Variants in RUNDC1 observed in about 807,000 individuals in gnomAD.
RUNDC1 encodes the protein RUN domain-containing protein 1.
Under a neutral mutation model 49.3 loss-of-function variants are expected in RUNDC1, and 31 were observed. That is an observed-to-expected ratio of 0.63 (90% confidence interval 0.47 to 0.85). The LOEUF is 0.85. Among genes scored for constraint, RUNDC1 ranks in the 40% least tolerant of loss-of-function variants. RUNDC1 has a pLI of 0.00. For missense variants in RUNDC1, 715 were observed against 806.7 expected (o/e 0.89, Z 1.38); for synonymous variants, 347 against 348.6 (o/e 1.00, Z 0.05).
Position 42,991,338 on chromosome 17 carries a change from T to C in RUNDC1, c.1464T>C (p.Tyr488=), listed in dbSNP as rs748679870. Reference sequence around the variant, plus strand: ...ACCATGCTAAGAACGGCCGTGCTTATGTGGAATCCCCAGCCCGGAAGCTCT... The same window carrying C: ...ACCATGCTAAGAACGGCCGTGCTTACGTGGAATCCCCAGCCCGGAAGCTCT... ...KYYHAKNGRA[Y]VESPARKLSQ... is the part of the protein sequence containing the mutation. The change falls in exon 5 of 5, where the codon TAT becomes TAC. Residue 488 remains tyrosine (Y), a synonymous_variant. Transcript: ENST00000361677. The C allele has an allele frequency of 6.2e-7, 1 of 1,614,224 alleles. No homozygotes were observed. The highest frequency in any genetic ancestry group is 8.5e-7 in the Non-Finnish European group (1 of 1,180,056).
rs1336695386 is a variant in RUNDC1, at chr17:42,991,527, G to T, written c.1653G>T (p.Leu551=). ...GCATGGCACTGAATGAGCAGCGTCT[G>T]GTGTCCTGGGTGAACCTCATCTGCA... ...LVCMALNEQR[L]VSWVNLICKS... The change falls in exon 5 of 5, where the codon CTG becomes CTT. Residue 551 remains leucine (L), a synonymous_variant. Transcript: ENST00000361677. 1.9e-6 allele frequency: 3 copies of T among 1,614,146 alleles called. No homozygotes were observed. In the East Asian group the frequency reaches 6.7e-5, roughly 36 times the overall value.
chr17:42,989,207 A>T, intron 2 of RUNDC1, 134 bp from the exon 3 acceptor site: 1 of 650,068 alleles, frequency 1.5e-6, no homozygotes, highest in African/African-American at 1.8e-5. Context: ...TCAGCAGTTA[A>T]GTCATTTACT....
Position 42,989,505 on chromosome 17 carries a change from C to T in RUNDC1, c.822C>T (p.Ile274=), listed in dbSNP as rs752497506. 1.2e-6 allele frequency: 2 copies of T among 1,614,134 alleles called. No individual in the cohort carries two copies. Among genetic ancestry groups the T allele is most frequent in the African/African-American group, 1.3e-5 (1 of 75,014 alleles). ...TGGTTGAGCAACTGAAAACTCAGAT[C>T]CGAGACCTTGAGATGTTTATCAACT... ...EQLVEQLKTQ[I]RDLEMFINFI... Residue 274 remains isoleucine, a synonymous_variant, in exon 3 of 5, where the codon ATC becomes ATT. Coordinates refer to ENST00000361677, the MANE Select transcript of RUNDC1 (RefSeq NM_173079.5).
chr17:42,990,499 G>C (rs1895087374), intron 4 of RUNDC1, 63 bp downstream of exon 4: 1 of 1,543,978 alleles, frequency 6.5e-7, no homozygotes, highest in Non-Finnish European at 8.9e-7. Context: ...TGGTTGCCTA[G>C]GGCTTGGGTG....
Position 42,987,355 on chromosome 17 carries a change from GC to G in RUNDC1, c.600del (p.Tyr201IlefsTer20). 1 of 1,614,106 alleles carries G rather than the reference GC, an allele frequency of 6.2e-7. No individual in the cohort carries two copies. The highest frequency in any genetic ancestry group is 1.3e-5 in the African/African-American group (1 of 75,038). On this transcript the variant is annotated frameshift_variant, in exon 2 of 5. Transcript: ENST00000361677. LOFTEE classifies it high-confidence loss of function. ...KTQLDDLETF[A>X]YQEGSYDSLP... ...CCAGCTAGATGACCTGGAAACGTTT[GC>G]CTATCAAGAGGGCAGTTATGACTCG...
At chr17:42,990,769 C>G (rs1427193253) in intron 4 of RUNDC1, 82 bp from the exon 5 acceptor site, 4 of 1,484,592 alleles carry the variant, frequency 2.7e-6, no homozygotes, top group Non-Finnish European at 3.6e-6. Flanking sequence ...GTGGCTCAGA[C>G]TGATCTCAGC....
Position 42,987,620 on chromosome 17 carries a change from C to T in RUNDC1, c.657+206C>T, listed in dbSNP as rs148030273. Reference sequence around the variant, plus strand: ...ACACAGATTCCAAAGTTTTGTAATACGATAATTGAGCTATTTCTTTTTGGT... The same window carrying T: ...ACACAGATTCCAAAGTTTTGTAATATGATAATTGAGCTATTTCTTTTTGGT... On this transcript the variant is annotated intron_variant, in intron 2 of 4. Coordinates refer to ENST00000361677, the MANE Select transcript of RUNDC1 (RefSeq NM_173079.5). Among the ~76,000 whole-genome samples, 21 of 152,194 alleles carry T rather than the reference C, an allele frequency of 1.4e-4. No individual in the cohort carries two copies. In the East Asian group the frequency reaches 2.5e-3, roughly 18 times the overall value.
chr17:42,989,882 G>A (rs323497), intron 3 of RUNDC1, among the ~76,000 whole-genome samples: 142,224 of 152,120 alleles, frequency 0.93, 67,243 homozygotes, highest in South Asian at 1. Context: ...TGATCCGCCT[G>A]CCTCAGCCTC....
rs763431743 is a variant in RUNDC1, at chr17:42,991,388, C to T, written c.1514C>T (p.Thr505Met). ...TCCCAGTCCTTCGCCCTTCCTGTTACGGGAGGCACTGTTGTCACCCCCAAA... is the reference window on the plus strand; with the variant it reads ...TCCCAGTCCTTCGCCCTTCCTGTTATGGGAGGCACTGTTGTCACCCCCAAA... Reference protein sequence around the residue: ...KLSQSFALPVTGGTVVTPKQS... With the variant: ...KLSQSFALPVMGGTVVTPKQS... Residue 505 changes from threonine to methionine, a missense_variant, in exon 5 of 5, where the codon ACG becomes ATG. Thr to Met is a moderately conservative substitution (Grantham distance 81). Transcript: ENST00000361677. The T allele has an allele frequency of 2.0e-5, 33 of 1,614,082 alleles. No homozygotes were observed. The highest frequency in any genetic ancestry group is 4.4e-5 in the South Asian group (4 of 91,090).
chr17:42,994,771 T>C lies in RUNDC1; in HGVS notation c.*3055T>C, dbSNP rs1019284414. Reference sequence around the variant, plus strand: ...AGATATCTGCTAAGCTCTGATATCATCTGTCATTACTGAGAACAGAGCTCT... The same window carrying C: ...AGATATCTGCTAAGCTCTGATATCACCTGTCATTACTGAGAACAGAGCTCT... On this transcript the variant is annotated 3_prime_UTR_variant, in exon 5 of 5. Coordinates refer to ENST00000361677, the MANE Select transcript of RUNDC1 (RefSeq NM_173079.5). 3.3e-5 allele frequency among the ~76,000 whole-genome samples: 5 copies of C among 152,210 alleles called. No homozygotes were observed. Among genetic ancestry groups the C allele is most frequent in the African/African-American group, 1.2e-4 (5 of 41,448 alleles).
chr17:42,981,775 T>A (rs1162644903), intron 1 of RUNDC1: 1 of 151,666 alleles, frequency 6.6e-6, no homozygotes, highest in Non-Finnish European at 1.5e-5. Context: ...CAGGCTATAA[T>A]GTTGAAATTT....
rs2050185583 is a variant in RUNDC1, at chr17:42,987,390, G to A, written c.633G>A (p.Gln211=). ...YQEGSYDSLP[Q]SVVLERQRVI... is the part of the protein sequence containing the mutation. The stretch of plus-strand genomic sequence containing the variant: ...AGGGCAGTTATGACTCGCTGCCACA[G>A]TCCGTGGTGTTGGAAAGACAGCGGG... The change falls in exon 2 of 5, where the codon CAG becomes CAA. Residue 211 remains glutamine, a synonymous_variant. Transcript: ENST00000361677. The A allele has an allele frequency of 6.2e-7, 1 of 1,614,174 alleles. No individual in the cohort carries two copies. Among genetic ancestry groups the A allele is most frequent in the Non-Finnish European group, 8.5e-7 (1 of 1,180,026 alleles).
At chr17:42,985,722 C>A in intron 1 of RUNDC1, 1 of 981,618 alleles carries the variant, frequency 1.0e-6, no homozygotes, top group Non-Finnish European at 1.2e-6. Flanking sequence ...CAGCCTTGCC[C>A]CTACAAATGA....
intron 1 of RUNDC1, among the ~76,000 whole-genome samples, chr17:42,986,639 A>G (rs1229174083): frequency 6.6e-6 from 1 of 151,980 alleles, no homozygotes; most frequent in Non-Finnish European, 1.5e-5. Context: ...CTGGGACTAC[A>G]GGCGCCCGCC....
chr17:42,989,854 C>T (rs756422314), intron 3 of RUNDC1, among the ~76,000 whole-genome samples: 8 of 152,008 alleles, frequency 5.3e-5, no homozygotes, highest in South Asian at 2.1e-4. Flanking sequence ...AGGCTGGTCT[C>T]GTACTCCTGA....
In RUNDC1 at chr17:42,991,629, C is replaced by G. The variant is rs1204717759; in HGVS notation, c.1755C>G (p.Asn585Lys). Reference protein sequence around the residue: ...MAHTGFESALNLLSRLSSLKF... With the variant: ...MAHTGFESALKLLSRLSSLKF... Reference sequence around the variant, plus strand: ...ACACAGGCTTTGAGAGTGCCCTCAACCTGCTCAGTCGCCTCAGCAGCCTCA... The same window carrying G: ...ACACAGGCTTTGAGAGTGCCCTCAAGCTGCTCAGTCGCCTCAGCAGCCTCA... Residue 585 changes from asparagine to lysine, a missense_variant, in exon 5 of 5, where the codon AAC becomes AAG. By Grantham distance (94) the Asn-to-Lys change is moderately conservative. Around this residue, in one of 5 missense-constraint regions of RUNDC1, gnomAD observed 425 missense variants for 499.7 expected, o/e 0.85. Coordinates refer to ENST00000361677, the MANE Select transcript of RUNDC1 (RefSeq NM_173079.5). The G allele has an allele frequency of 1.2e-5, 20 of 1,614,160 alleles. No individual in the cohort carries two copies. Among genetic ancestry groups the G allele is most frequent in the Non-Finnish European group, 1.7e-5 (20 of 1,180,028 alleles).
chr17:42,982,819 CAAAA>C (rs59693674), intron 1 of RUNDC1, among the ~76,000 whole-genome samples: 2 of 118,608 alleles, frequency 1.7e-5, no homozygotes, highest in Admixed American at 8.9e-5. Context: ...ACTAAAAATA[CAAAA>C]AAAAAAAAAA....
chr17:42,990,812 A>G (rs1415199258), intron 4 of RUNDC1, 39 bp from the exon 5 acceptor site: 4 of 1,549,432 alleles, frequency 2.6e-6, no homozygotes, highest in East Asian at 2.3e-5. Context: ...CTGTGCCATC[A>G]TGGCCTCTCA....
intron 3 of RUNDC1, 105 bp from the exon 4 acceptor site, chr17:42,990,212 T>C (rs2050220056): frequency 1.4e-6 from 2 of 1,445,350 alleles, no homozygotes; most frequent in Admixed American, 4.5e-5. Flanking sequence ...GGACAAGAGT[T>C]TGTGAAATTC....
Sources: allele counts gnomAD v4.1 joint callset (sites outside exome capture counted in the v4.1 genomes callset), GRCh38; gene constraint gnomAD v4.1.1; regional missense constraint gnomAD v4.1.1; transcripts MANE v1.5; gene names NCBI Gene and HGNC (gene_info 2026-07-23, HGNC 2026-07-21).